The following ZC3H10 variants were observed in gnomAD, a reference collection of about 807,000 sequenced individuals.
ZC3H10 encodes the protein zinc finger CCCH domain-containing protein 10.
ZC3H10 carries 12 observed loss-of-function variants against 24.3 expected under a neutral mutation model. The ratio of observed to expected loss-of-function variants is 0.49; its 90% CI spans 0.32 to 0.80. ZC3H10 has a LOEUF of 0.80. ZC3H10 is among the 30% of genes least tolerant of loss of function. The pLI is 0.04. For missense variants in ZC3H10, 360 were observed against 576.3 expected (o/e 0.62, Z 3.84); for synonymous variants, 226 against 217.0 (o/e 1.04, Z -0.36).
At position 56,121,180 on chromosome 12, in the gene ZC3H10, C is replaced by G. The variant is rs749799266; in HGVS notation, c.618C>G (p.Gly206=). 1 of 1,614,128 alleles carries G rather than the reference C, an allele frequency of 6.2e-7. No homozygotes were observed. The highest frequency in any genetic ancestry group is 1.1e-5 in the South Asian group (1 of 91,082). ...PDRGFEDHEP[G]PKRRRGGCCP... is the part of the protein sequence containing the mutation. ...GGGGCTTTGAGGACCATGAGCCAGG[C>G]CCAAAACGCCGGCGAGGTGGATGCT... Residue 206 remains glycine, a synonymous_variant, in exon 3 of 3, where the codon GGC becomes GGG. Coordinates refer to ENST00000257940, the MANE Select transcript of ZC3H10 (RefSeq NM_032786.3). This position sits in a 1 kb window ranked among gnomAD's most constrained non-coding sequence, Gnocchi z 6.2.
At position 56,121,321 on chromosome 12, in the gene ZC3H10, G is replaced by A. The variant is rs1304433135; in HGVS notation, c.759G>A (p.Glu253=). The part of the protein sequence containing the change: ...ENAMLRKRVE[E]LKKQVSNLLA... ...CCATGCTCAGGAAGCGGGTAGAGGAGTTAAAGAAGCAGGTCAGCAACCTGC... is the reference window on the plus strand; with the variant it reads ...CCATGCTCAGGAAGCGGGTAGAGGAATTAAAGAAGCAGGTCAGCAACCTGC... Residue 253 remains glutamate, a synonymous_variant, in exon 3 of 3, where the codon GAG becomes GAA. Transcript: ENST00000257940. The surrounding 1 kb of genome is among the most constrained non-coding windows in gnomAD (Gnocchi z 6.2). The A allele has an allele frequency of 6.2e-7, 1 of 1,613,706 alleles. No individual in the cohort carries two copies. Among genetic ancestry groups the A allele is most frequent in the Non-Finnish European group, 8.5e-7 (1 of 1,180,022 alleles).
chr12:56,120,631 C>A lies in ZC3H10; in HGVS notation c.69C>A (p.Ser23Arg). Reference sequence around the variant, plus strand: ...GTGGAGGCCCTGGAGGTGGTGGCAGCGAGGAGGCCAGTGGGGCAGGGGTAG... The same window carrying A: ...GTGGAGGCCCTGGAGGTGGTGGCAGAGAGGAGGCCAGTGGGGCAGGGGTAG... ...SSGGGPGGGGSEEASGAGVGS... is the reference protein window; with the variant it reads ...SSGGGPGGGGREEASGAGVGS... Residue 23 changes from serine (S) to arginine (R), a missense_variant, in exon 3 of 3, where the codon AGC becomes AGA. By Grantham distance (110) the Ser-to-Arg change is moderately radical. Around this residue, in one of 3 missense-constraint regions of ZC3H10, gnomAD observed 126 missense variants for 208.8 expected, o/e 0.60. Coordinates refer to ENST00000257940, the MANE Select transcript of ZC3H10 (RefSeq NM_032786.3). The A allele has an allele frequency of 6.2e-7, 1 of 1,600,794 alleles. No homozygotes were observed. The highest frequency in any genetic ancestry group is 2.2e-5 in the East Asian group (1 of 44,768).
rs907512719 is a variant in ZC3H10, at chr12:56,121,052, G to A, written c.490G>A (p.Glu164Lys). 1.2e-6 allele frequency: 2 copies of A among 1,614,194 alleles called. No individual in the cohort carries two copies. The highest frequency in any genetic ancestry group is 1.7e-6 in the Non-Finnish European group (2 of 1,180,028). Residue 164 changes from glutamate (E) to lysine (K), a missense_variant, in exon 3 of 3, where the codon GAG (glutamate) becomes AAG (lysine). By Grantham distance (56) the Glu-to-Lys change is moderately conservative. Around this residue, in one of 3 missense-constraint regions of ZC3H10, gnomAD observed 101 missense variants for 110.8 expected, o/e 0.91. Coordinates refer to ENST00000257940, the MANE Select transcript of ZC3H10 (RefSeq NM_032786.3). The surrounding 1 kb of genome is among the most constrained non-coding windows in gnomAD (Gnocchi z 6.2). ...CKFRHLQRDFEFDARGGGGTG... is the reference protein window; with the variant it reads ...CKFRHLQRDFKFDARGGGGTG... Reference sequence around the variant, plus strand: ...GTTCCGTCACCTGCAACGGGATTTTGAGTTTGATGCTCGGGGTGGAGGAGG... The same window carrying A: ...GTTCCGTCACCTGCAACGGGATTTTAAGTTTGATGCTCGGGGTGGAGGAGG...
rs1283729879 is a variant in ZC3H10 at position 56,120,758 on chromosome 12, G to A, written c.196G>A (p.Val66Met). The stretch of plus-strand genomic sequence containing the variant: ...ATATCGCCACCCAGACATGAGCGAG[G>A]TGTCCAACTTGGGGGTGAGCAAAAA... ...CRYRHPDMSE[V>M]SNLGVSKNEF... is the part of the protein sequence containing the mutation. Residue 66 changes from valine to methionine, a missense_variant, in exon 3 of 3, where the codon GTG becomes ATG. Transcript: ENST00000257940. 6.2e-7 allele frequency: 1 copy of A among 1,614,196 alleles called. No individual in the cohort carries two copies. Among genetic ancestry groups the A allele is most frequent in the East Asian group, 2.2e-5 (1 of 44,880 alleles).
chr12:56,126,281 C>T lies in ZC3H10; in HGVS notation c.*4414C>T, dbSNP rs1869990519. 6.6e-6 allele frequency: 1 copy of T among 152,174 alleles called. No homozygotes were observed. Among genetic ancestry groups the T allele is most frequent in the Non-Finnish European group, 1.5e-5 (1 of 68,038 alleles). The allele number at this position is 152,174 out of a possible 1,614,324, so 9.4% of individuals were successfully genotyped here. On this transcript the variant is annotated 3_prime_UTR_variant, in exon 3 of 3. Coordinates refer to ENST00000257940, the MANE Select transcript of ZC3H10 (RefSeq NM_032786.3). ...TCTCTCTCCTCCTGTAGGCCTCATCCTGTAAGACACTTCCTCTAACAAATG... is the reference window on the plus strand; with the variant it reads ...TCTCTCTCCTCCTGTAGGCCTCATCTTGTAAGACACTTCCTCTAACAAATG...
chr12:56,121,074 G>T lies in ZC3H10; in HGVS notation c.512G>T (p.Gly171Val). The T allele has an allele frequency of 6.2e-7, 1 of 1,614,204 alleles. No individual in the cohort carries two copies. The highest frequency in any genetic ancestry group is 8.5e-7 in the Non-Finnish European group (1 of 1,180,030). The change falls in exon 3 of 3, where the codon GGA becomes GTA. Residue 171 changes from glycine (G) to valine (V), a missense_variant. Physicochemically the swap from Gly to Val is moderately radical, Grantham distance 109 (BLOSUM62 -3). Around this residue, in one of 3 missense-constraint regions of ZC3H10, gnomAD observed 101 missense variants for 110.8 expected, o/e 0.91. Coordinates refer to ENST00000257940, the MANE Select transcript of ZC3H10 (RefSeq NM_032786.3). The surrounding 1 kb of genome is among the most constrained non-coding windows in gnomAD (Gnocchi z 6.2). ...TTTGAGTTTGATGCTCGGGGTGGAGGAGGCACTGGTGGGGGCTCAACAGGC... is the reference window on the plus strand; with the variant it reads ...TTTGAGTTTGATGCTCGGGGTGGAGTAGGCACTGGTGGGGGCTCAACAGGC... ...RDFEFDARGG[G>V]GTGGGSTGSV... is the part of the protein sequence containing the mutation.
intron 1 of ZC3H10, chr12:56,118,780 C>G (rs1438981231): frequency 2.0e-5 from 3 of 152,216 alleles, no homozygotes; most frequent in African/African-American, 7.2e-5. Flanking sequence ...TCCTCACTAG[C>G]CATTACTAAC....
At chr12:56,119,998 T>G (rs1424216079) in intron 2 of ZC3H10, 1 of 155,586 alleles carries the variant, frequency 6.4e-6, no homozygotes, top group Admixed American at 6.5e-5. Flanking sequence ...CCCCTCAAGC[T>G]GGTGACACCA....
Position 56,123,292 on chromosome 12 carries a change from C to T in ZC3H10, c.*1425C>T, listed in dbSNP as rs1199442746. ...CTTGTCTGGTTGATCACTCAGGTCA[C>T]ATCTGGGATTGGAGATGGTGGGCTA... On this transcript the variant is annotated 3_prime_UTR_variant, in exon 3 of 3. Transcript: ENST00000257940. 1.3e-5 allele frequency: 2 copies of T among 151,484 alleles called. No individual in the cohort carries two copies. Among genetic ancestry groups the T allele is most frequent in the Admixed American group, 1.3e-4 (2 of 15,200 alleles). 9.4% of individuals were successfully genotyped at this position (151,484 alleles called of 1,614,324 possible).
At position 56,121,201 on chromosome 12, in the gene ZC3H10, A is replaced by T; in HGVS notation, c.639A>T (p.Gly213=). Residue 213 remains glycine (G), a synonymous_variant, in exon 3 of 3, where the codon GGA becomes GGT. Transcript: ENST00000257940. The surrounding 1 kb of genome is among the most constrained non-coding windows in gnomAD (Gnocchi z 6.2). ...CAGGCCCAAAACGCCGGCGAGGTGG[A>T]TGCTGCCCCCCTGATGGCCCTCATT... The part of the protein sequence containing the change: ...HEPGPKRRRG[G]CCPPDGPHFE... 1 of 1,614,004 alleles carries T rather than the reference A, an allele frequency of 6.2e-7. No individual in the cohort carries two copies. The highest frequency in any genetic ancestry group is 8.5e-7 in the Non-Finnish European group (1 of 1,180,030).
At position 56,124,177 on chromosome 12, in the gene ZC3H10, C is replaced by T. The variant is rs1172044941; in HGVS notation, c.*2310C>T. 1 of 152,240 alleles carries T rather than the reference C, an allele frequency of 6.6e-6. No homozygotes were observed. Among genetic ancestry groups the T allele is most frequent in the Non-Finnish European group, 1.5e-5 (1 of 68,042 alleles). 9.4% of individuals were successfully genotyped at this position (152,240 alleles called of 1,614,324 possible). A position where few individuals can be genotyped will look rare whatever the true frequency, so the allele number is the denominator to read the frequency against. On this transcript the variant is annotated 3_prime_UTR_variant, in exon 3 of 3. Transcript: ENST00000257940. ...AAGCACAGTCGATGATGAAGTCACT[C>T]ACTAGCTGGGAAAGGGGATGTTTGC...
chr12:56,120,136 A>C, intron 2 of ZC3H10: 1 of 871,834 alleles, frequency 1.1e-6, no homozygotes, highest in Non-Finnish European at 1.4e-6. Context: ...CTAGTAGCTC[A>C]GTAGCCCATC....
chr12:56,121,883 C>T lies in ZC3H10; in HGVS notation c.*16C>T. 6.3e-7 allele frequency: 1 copy of T among 1,589,552 alleles called. No homozygotes were observed. The highest frequency in any genetic ancestry group is 8.6e-7 in the Non-Finnish European group (1 of 1,165,692). ...GCCACACTGATGGGGCTAATGGACACTCCCCTGGTATAGCCTCGCAGGGCT... is the reference window on the plus strand; with the variant it reads ...GCCACACTGATGGGGCTAATGGACATTCCCCTGGTATAGCCTCGCAGGGCT... On this transcript the variant is annotated 3_prime_UTR_variant, in exon 3 of 3. Coordinates refer to ENST00000257940, the MANE Select transcript of ZC3H10 (RefSeq NM_032786.3). The surrounding 1 kb of genome is among the most constrained non-coding windows in gnomAD (Gnocchi z 6.2).
At position 56,120,513 on chromosome 12, in the gene ZC3H10, G is replaced by C. The variant is rs1161282833; in HGVS notation, c.-50G>C. On this transcript the variant is annotated splice_region_variant and 5_prime_UTR_variant, in exon 3 of 3. Coordinates refer to ENST00000257940, the MANE Select transcript of ZC3H10 (RefSeq NM_032786.3). ...GATACAGTTCTCCTCTTTTGTAGTG[G>C]TCACCAAGAGTGGCAAGATAAAGAA... is the stretch of plus-strand genomic sequence containing the variant. The C allele has an allele frequency of 1.3e-6, 2 of 1,481,736 alleles. No homozygotes were observed. The highest frequency in any genetic ancestry group is 4.7e-5 in the East Asian group (2 of 42,540). 91.8% of individuals were successfully genotyped at this position (1,481,736 alleles called of 1,614,324 possible). A position where few individuals can be genotyped will look rare whatever the true frequency, so the allele number is the denominator to read the frequency against.
Position 56,121,732 on chromosome 12 carries a change from T to C in ZC3H10, c.1170T>C (p.Ser390=), listed in dbSNP as rs768517291. Residue 390 remains serine, a synonymous_variant, in exon 3 of 3, where the codon TCT becomes TCC. Coordinates refer to ENST00000257940, the MANE Select transcript of ZC3H10 (RefSeq NM_032786.3). This position sits in a 1 kb window ranked among gnomAD's most constrained non-coding sequence, Gnocchi z 6.2. ...PPVSMAPVAV[S]VAPVAPVAVS... ...TCTCCATGGCTCCTGTGGCTGTATCTGTGGCTCCTGTGGCCCCTGTGGCTG... is the reference window on the plus strand; with the variant it reads ...TCTCCATGGCTCCTGTGGCTGTATCCGTGGCTCCTGTGGCCCCTGTGGCTG... 79 of 1,613,948 alleles carry C rather than the reference T, an allele frequency of 4.9e-5. No homozygotes were observed. The highest frequency in any genetic ancestry group is 6.6e-5 in the Non-Finnish European group (78 of 1,179,990).
rs754766642 is a variant in ZC3H10, at chr12:56,121,127, C to G, written c.565C>G (p.Leu189Val). The G allele has an allele frequency of 6.2e-7, 1 of 1,614,206 alleles. No individual in the cohort carries two copies. Among genetic ancestry groups the G allele is most frequent in the South Asian group, 1.1e-5 (1 of 91,082 alleles). Reference protein sequence around the residue: ...GSVLPGRRHDLYDIYDLPDRG... With the variant: ...GSVLPGRRHDVYDIYDLPDRG... ...AGTCCTCCCAGGACGACGTCATGAT[C>G]TCTATGATATCTATGACCTTCCTGA... Residue 189 changes from leucine (L) to valine (V), a missense_variant, in exon 3 of 3, where the codon CTC becomes GTC. Around this residue, in one of 3 missense-constraint regions of ZC3H10, gnomAD observed 101 missense variants for 110.8 expected, o/e 0.91. Coordinates refer to ENST00000257940, the MANE Select transcript of ZC3H10 (RefSeq NM_032786.3). This position sits in a 1 kb window ranked among gnomAD's most constrained non-coding sequence, Gnocchi z 6.2.
chr12:56,121,940 C>A lies in ZC3H10; in HGVS notation c.*73C>A. 3 of 1,466,604 alleles carry A rather than the reference C, an allele frequency of 2.0e-6. No homozygotes were observed. Among genetic ancestry groups the A allele is most frequent in the Non-Finnish European group, 2.7e-6 (3 of 1,095,460 alleles). The allele number at this position is 1,466,604 out of a possible 1,614,324, so 90.8% of individuals were successfully genotyped here. ...AGGGGGCCCTTGCCCACTCACCTAGCCTTCCCCATCCCTGTCTGAAGGGCT... is the reference window on the plus strand; with the variant it reads ...AGGGGGCCCTTGCCCACTCACCTAGACTTCCCCATCCCTGTCTGAAGGGCT... On this transcript the variant is annotated 3_prime_UTR_variant, in exon 3 of 3. Coordinates refer to ENST00000257940, the MANE Select transcript of ZC3H10 (RefSeq NM_032786.3). This position sits in a 1 kb window ranked among gnomAD's most constrained non-coding sequence, Gnocchi z 6.2.
In ZC3H10 at chr12:56,127,074, A is replaced by G. The variant is rs1490780908; in HGVS notation, c.*5207A>G. ...GATTTACATAATATGCCCCATATAT[A>G]CTGCATTAAAAGGTAATCATCTTAT... On this transcript the variant is annotated 3_prime_UTR_variant, in exon 3 of 3. Transcript: ENST00000257940. 1 of 152,230 alleles carries G rather than the reference A, an allele frequency of 6.6e-6. No individual in the cohort carries two copies. The highest frequency in any genetic ancestry group is 1.9e-4 in the East Asian group (1 of 5,204). The allele number at this position is 152,230 out of a possible 1,614,324, so 9.4% of individuals were successfully genotyped here. A position where few individuals can be genotyped will look rare whatever the true frequency, so the allele number is the denominator to read the frequency against.
rs749608140 is a variant in ZC3H10 at position 56,121,024 on chromosome 12, C to T, written c.462C>T (p.Cys154=). The part of the protein sequence containing the change: ...LKGDCQRGAK[C]KFRHLQRDFE... ...GTGACTGTCAGAGAGGAGCCAAGTG[C>T]AAGTTCCGTCACCTGCAACGGGATT... Residue 154 remains cysteine (C), a synonymous_variant, in exon 3 of 3, where the codon TGC becomes TGT. Transcript: ENST00000257940. The surrounding 1 kb of genome is among the most constrained non-coding windows in gnomAD (Gnocchi z 6.2). 9.2e-5 allele frequency: 149 copies of T among 1,614,056 alleles called. No homozygotes were observed. Among genetic ancestry groups the T allele is most frequent in the Non-Finnish European group, 1.2e-4 (143 of 1,180,040 alleles).
Sources: allele counts gnomAD v4.1 joint callset, GRCh38; gene constraint gnomAD v4.1.1; regional missense constraint gnomAD v4.1.1; non-coding constraint Gnocchi (gnomAD v3.1); transcripts MANE v1.5; gene names NCBI Gene and HGNC (gene_info 2026-07-23, HGNC 2026-07-21).